LRMDA: variants seen among roughly 807,000 people sequenced by gnomAD.
The protein encoded by LRMDA is leucine-rich melanocyte differentiation-associated protein.
A neutral mutation model predicts 29.8 loss-of-function variants in LRMDA; 18 were observed. That is an observed-to-expected ratio of 0.60 (90% CI 0.42 to 0.90). LRMDA has a LOEUF of 0.90. Among genes scored for constraint, LRMDA ranks in the 40% least tolerant of loss-of-function variants. LRMDA has a pLI of 0.00. For synonymous variants in LRMDA, 125 were observed against 109.4 expected (o/e 1.14, Z -0.89); for missense variants, 273 against 273.9 (o/e 1.00, Z 0.02).
At chr10:76,024,215 G>T (rs1848024398) in intron 2 of LRMDA, among the ~76,000 whole-genome samples, 1 of 152,200 alleles carries the variant, frequency 6.6e-6, no homozygotes, top group Non-Finnish European at 1.5e-5. Context: ...GCCATGAGCA[G>T]CAGTCAGATA....
In LRMDA at chr10:76,440,645, A is replaced by G. The variant is rs376923591; in HGVS notation, c.601+116160A>G. Among the ~76,000 whole-genome samples the G allele has an allele frequency of 8.5e-5, 13 of 152,216 alleles. 1 individual carries two copies. Among genetic ancestry groups the G allele is most frequent in the South Asian group, 8.3e-4 (4 of 4,818 alleles). ...TTGACCCAGTTAAATGCTTCTCATT[A>G]TTACATGACTGGAAATAGGCCAGGT... On this transcript the variant is annotated intron_variant, in intron 6 of 6. Coordinates refer to ENST00000611255, the MANE Select transcript of LRMDA (RefSeq NM_001305581.2).
intron 2 of LRMDA, among the ~76,000 whole-genome samples, chr10:75,564,611 A>G (rs1237239407): frequency 2.0e-5 from 3 of 152,092 alleles, no homozygotes; most frequent in Non-Finnish European, 4.4e-5. Context: ...TGCAGAAATC[A>G]CCCATCTTCT....
At chr10:75,468,449 C>T (rs1844685341) in intron 2 of LRMDA, among the ~76,000 whole-genome samples, 1 of 151,906 alleles carries the variant, frequency 6.6e-6, no homozygotes, top group African/African-American at 2.4e-5. Flanking sequence ...TGGAAAGAGC[C>T]CTTCCAGAAG....
At chr10:76,147,733 T>C (rs893411662) in intron 5 of LRMDA, among the ~76,000 whole-genome samples, 3 of 152,212 alleles carry the variant, frequency 2.0e-5, no homozygotes, top group Non-Finnish European at 2.9e-5. Flanking sequence ...GGTGAGGAGC[T>C]GCGTTCCTTC....
At chr10:76,355,480 C>T (rs1040098199) in intron 6 of LRMDA, among the ~76,000 whole-genome samples, 1 of 152,056 alleles carries the variant, frequency 6.6e-6, no homozygotes, top group African/African-American at 2.4e-5. Context: ...ATGCAATGTG[C>T]CAACAACTAT....
intron 6 of LRMDA, among the ~76,000 whole-genome samples, chr10:76,531,464 C>T (rs1378730901): frequency 6.6e-6 from 1 of 152,064 alleles, no homozygotes; most frequent in East Asian, 1.9e-4. Context: ...AGGAGCTTCC[C>T]CTTTTTTCCT....
intron 2 of LRMDA, among the ~76,000 whole-genome samples, chr10:75,444,668 T>A (rs968128458): frequency 2.0e-4 from 30 of 152,160 alleles, no homozygotes; most frequent in African/African-American, 7.2e-4. Flanking sequence ...AGTGTGAAAT[T>A]GTATTTAAGA....
At chr10:76,129,664 G>A (rs755152319) in intron 5 of LRMDA, among the ~76,000 whole-genome samples, 4 of 152,084 alleles carry the variant, frequency 2.6e-5, no homozygotes, top group Non-Finnish European at 5.9e-5. Context: ...CCTTCCCTAG[G>A]AGTGGGCCTC....
intron 2 of LRMDA, among the ~76,000 whole-genome samples, chr10:75,635,797 T>G (rs1589141903): frequency 6.6e-6 from 1 of 152,260 alleles, no homozygotes; most frequent in East Asian, 1.9e-4. Context: ...TTGCTATTTT[T>G]TTTTTTTTAA....
intron 2 of LRMDA, among the ~76,000 whole-genome samples, chr10:75,912,527 C>G (rs1440396685): frequency 1.3e-5 from 2 of 152,014 alleles, no homozygotes; most frequent in Non-Finnish European, 2.9e-5. Context: ...CTGCAAAGAC[C>G]TGGAGGTGGG....
At position 75,680,847 on chromosome 10, in the gene LRMDA, TA is replaced by T. The variant is rs563986556; in HGVS notation, c.131+242360del. On this transcript the variant is annotated intron_variant, in intron 2 of 6. Coordinates refer to ENST00000611255, the MANE Select transcript of LRMDA (RefSeq NM_001305581.2). The stretch of plus-strand genomic sequence containing the variant: ...CAGCATAGTGAGACCCAATCTCTAT[TA>T]AAAAAAGTTTTCATTGAGTACAAGC... Among the ~76,000 whole-genome samples, 23 of 152,200 alleles carry T rather than the reference TA, an allele frequency of 1.5e-4. 1 individual carries two copies. In the South Asian group the frequency reaches 4.6e-3, roughly 30 times the overall value.
chr10:76,141,190 A>G (rs980755602), intron 5 of LRMDA, among the ~76,000 whole-genome samples: 2 of 152,118 alleles, frequency 1.3e-5, no homozygotes, highest in South Asian at 2.1e-4. Context: ...CTTTGCTCTT[A>G]TATCACACAT....
chr10:76,478,352 A>G (rs1225730873), intron 6 of LRMDA, among the ~76,000 whole-genome samples: 1 of 152,188 alleles, frequency 6.6e-6, no homozygotes, highest in South Asian at 2.1e-4. Context: ...ATGAGATACC[A>G]TCTCACACCA....
chr10:76,060,301 A>G (rs1009304168), intron 5 of LRMDA, among the ~76,000 whole-genome samples: 5 of 152,168 alleles, frequency 3.3e-5, no homozygotes, highest in Non-Finnish European at 5.9e-5. Flanking sequence ...GGGCAGCTCT[A>G]CATTGTCACA....
intron 6 of LRMDA, among the ~76,000 whole-genome samples, chr10:76,361,085 A>AC (rs1841305590): frequency 6.6e-6 from 1 of 151,848 alleles, no homozygotes; most frequent in African/African-American, 2.4e-5. Context: ...ACAAGGTGAA[A>AC]CCCCGTCTCT....
At chr10:76,013,065 A>C (rs944921491) in intron 2 of LRMDA, among the ~76,000 whole-genome samples, 11 of 152,198 alleles carry the variant, frequency 7.2e-5, no homozygotes, top group African/African-American at 2.7e-4. Context: ...GAAACCTTTT[A>C]ATTAGTACTA....
chr10:76,429,041 A>C (rs202214949), intron 6 of LRMDA, among the ~76,000 whole-genome samples: 8 of 63,890 alleles, frequency 1.3e-4, no homozygotes, highest in South Asian at 5.3e-4. Context: ...CACACACACA[A>C]ACACACACAC....
At chr10:75,577,338 GA>G (rs1840519884) in intron 2 of LRMDA, among the ~76,000 whole-genome samples, 1 of 151,884 alleles carries the variant, frequency 6.6e-6, no homozygotes, top group African/African-American at 2.4e-5. Flanking sequence ...CAAGATTAGA[GA>G]AAAAAAGAGG....
At chr10:75,601,889 C>CT (rs1346795456) in intron 2 of LRMDA, among the ~76,000 whole-genome samples, 1 of 152,154 alleles carries the variant, frequency 6.6e-6, no homozygotes, top group African/African-American at 2.4e-5. Context: ...ATCATCTTCT[C>CT]TGTACATGTA....
Sources: allele counts gnomAD v4.1 joint callset (sites outside exome capture counted in the v4.1 genomes callset), GRCh38; gene constraint gnomAD v4.1.1; transcripts MANE v1.5; gene names NCBI Gene and HGNC (gene_info 2026-07-23, HGNC 2026-07-21).